Variants in RALGAPA1 observed in about 807,000 individuals in gnomAD.
The protein encoded by RALGAPA1 is ral GTPase-activating protein subunit alpha-1.
RALGAPA1 carries 52 observed loss-of-function variants against 269.6 expected under a neutral mutation model. The observed-to-expected ratio is 0.19, with a 90% confidence interval of 0.15 to 0.24. The LOEUF is 0.24. RALGAPA1 is among the 10% of genes least tolerant of loss of function. RALGAPA1 has a pLI of 1.00. For missense variants in RALGAPA1, 1,917 were observed against 3,013.9 expected (o/e 0.64, Z 8.52); for synonymous variants, 817 against 1,008.3 (o/e 0.81, Z 3.60).
chr14:35,649,381 A>T (rs942226096), intron 31 of RALGAPA1, among the ~76,000 whole-genome samples: 2 of 152,256 alleles, frequency 1.3e-5, no homozygotes, highest in African/African-American at 2.4e-5. Context: ...AAATCTGGTC[A>T]TATTTTATCC....
At chr14:35,750,066 G>C (rs1044653564) in intron 9 of RALGAPA1, among the ~76,000 whole-genome samples, 4 of 152,004 alleles carry the variant, frequency 2.6e-5, no homozygotes, top group Non-Finnish European at 2.9e-5. Context: ...TTCTAGACTT[G>C]GCGTCTTTGT....
At chr14:35,662,921 A>G (rs936160952) in intron 27 of RALGAPA1, among the ~76,000 whole-genome samples, 7 of 123,460 alleles carry the variant, frequency 5.7e-5, no homozygotes, top group African/African-American at 2.2e-4. Flanking sequence ...CTTGTTTAAC[A>G]AATGATTTCC....
At chr14:35,648,934 ATCATC>A (rs1412276383) in intron 31 of RALGAPA1, among the ~76,000 whole-genome samples, 2 of 152,122 alleles carry the variant, frequency 1.3e-5, no homozygotes, top group Non-Finnish European at 1.5e-5. Context: ...CTTTTACTGA[ATCATC>A]TTCTCTGCCT....
chr14:35,603,548 A>G (rs1353128017), intron 36 of RALGAPA1, among the ~76,000 whole-genome samples: 1 of 152,208 alleles, frequency 6.6e-6, no homozygotes, highest in Non-Finnish European at 1.5e-5. Context: ...CTGCACTGCC[A>G]TATTTATTGC....
chr14:35,691,929 C>G (rs1005504829), intron 17 of RALGAPA1, among the ~76,000 whole-genome samples: 1 of 152,116 alleles, frequency 6.6e-6, no homozygotes, highest in Non-Finnish European at 1.5e-5. Flanking sequence ...ATGCACTCCA[C>G]TGAGAAATTT....
At position 35,764,186 on chromosome 14, in the gene RALGAPA1, G is replaced by A. The variant is rs542169256; in HGVS notation, c.326-1433C>T. 5.9e-4 allele frequency among the ~76,000 whole-genome samples: 90 copies of A among 151,632 alleles called. No individual in the cohort carries two copies. The South Asian group carries it at 0.011, about 19-fold the overall frequency. On this transcript the variant is annotated intron_variant, in intron 4 of 41. Coordinates refer to ENST00000680220, the MANE Select transcript of RALGAPA1 (RefSeq NM_001346249.2). ...GATCACTGCAGCCTCAAACTCCTGGGTTCAAGTGATCCTCCCACTTCAGCC... is the reference window on the plus strand; with the variant it reads ...GATCACTGCAGCCTCAAACTCCTGGATTCAAGTGATCCTCCCACTTCAGCC...
chr14:35,746,080 C>T (rs142254917), intron 10 of RALGAPA1, among the ~76,000 whole-genome samples: 17 of 152,076 alleles, frequency 1.1e-4, no homozygotes, highest in African/African-American at 3.9e-4. Context: ...TTCAAAAAAA[C>T]AAAAAGAGGG....
chr14:35,541,618 C>G (rs1410616484), intron 41 of RALGAPA1: 1 of 403,764 alleles, frequency 2.5e-6, no homozygotes, highest in Non-Finnish European at 4.9e-6. Flanking sequence ...ATCCATGACC[C>G]CCTTTAGGGA....
chr14:35,561,349 T>C (rs1307428446), intron 39 of RALGAPA1, among the ~76,000 whole-genome samples: 3 of 151,480 alleles, frequency 2.0e-5, no homozygotes, highest in Admixed American at 1.3e-4. Context: ...AGAGTCACTG[T>C]AGAAGTGTGG....
intron 23 of RALGAPA1, 119 bp from the exon 24 acceptor site, chr14:35,674,397 T>G: frequency 3.2e-6 from 4 of 1,241,514 alleles, no homozygotes; most frequent in Non-Finnish European, 4.5e-6. Context: ...TTAAGTGACT[T>G]TGCCATGCAG....
chr14:35,629,727 T>C (rs1339247802), intron 33 of RALGAPA1, among the ~76,000 whole-genome samples: 2 of 152,136 alleles, frequency 1.3e-5, no homozygotes, highest in Admixed American at 1.3e-4. Flanking sequence ...TCTTGAACTC[T>C]TGACCTTGTG....
intron 1 of RALGAPA1, among the ~76,000 whole-genome samples, chr14:35,801,036 T>C (rs1308295004): frequency 1.0e-5 from 1 of 99,400 alleles, no homozygotes; most frequent in South Asian, 3.1e-4. Context: ...AAAAAGAAAA[T>C]AGCAAAGACC....
chr14:35,725,066 T>C lies in RALGAPA1; in HGVS notation c.1824A>G (p.Lys608=), dbSNP rs1441319132. ...SQAFLQFQGK[K]NMTLAGRLAG... Reference sequence around the variant, plus strand: ...CAAGTCGACCTGCCAAGGTCATATTTTTTTTCCCTTGGAACTGTAGAAAAG... The same window carrying C: ...CAAGTCGACCTGCCAAGGTCATATTCTTTTTCCCTTGGAACTGTAGAAAAG... The change falls in exon 14 of 42, where the codon AAA becomes AAG. Residue 608 remains lysine, a synonymous_variant. Transcript: ENST00000680220. 59 of 1,605,974 alleles carry C rather than the reference T, an allele frequency of 3.7e-5. No individual in the cohort carries two copies. Among genetic ancestry groups the C allele is most frequent in the Non-Finnish European group, 4.6e-5 (54 of 1,176,368 alleles).
intron 16 of RALGAPA1, chr14:35,715,722 A>G (rs1008223104): frequency 1.8e-5 from 18 of 985,314 alleles, no homozygotes; most frequent in Non-Finnish European, 2.0e-5. Flanking sequence ...ATTAACTTGT[A>G]TCCTTCTCAA....
intron 8 of RALGAPA1, among the ~76,000 whole-genome samples, chr14:35,751,589 G>T (rs908925548): frequency 2.0e-5 from 3 of 151,948 alleles, no homozygotes; most frequent in African/African-American, 7.3e-5. Context: ...TTCAAGACCA[G>T]CCTGGGCAAC....
chr14:35,765,920 T>C (rs1371126282), intron 4 of RALGAPA1: 9 of 1,207,972 alleles, frequency 7.5e-6, no homozygotes, highest in Admixed American at 1.9e-5. Flanking sequence ...CTATGAGATC[T>C]GGAAATGCAG....
Position 35,689,274 on chromosome 14 carries a change from G to A in RALGAPA1, c.3137C>T (p.Pro1046Leu), listed in dbSNP as rs1272734625. ...AGGGCTATCTAAACTAGGCTCTGAT[G>A]GCTGTTTATCAGTGTTTAGTTGCTT... is the stretch of plus-strand genomic sequence containing the variant. ...KSKQLNTDKQ[P>L]SEPSLDSPCD... The change falls in exon 18 of 42, where the codon CCA becomes CTA. Residue 1046 changes from proline to leucine, a missense_variant. Transcript: ENST00000680220. The A allele has an allele frequency of 3.2e-6, 4 of 1,232,050 alleles. No individual in the cohort carries two copies. Among genetic ancestry groups the A allele is most frequent in the Non-Finnish European group, 4.0e-6 (4 of 988,048 alleles). The allele number at this position is 1,232,050 out of a possible 1,614,324, so 76.3% of individuals were successfully genotyped here.
intron 1 of RALGAPA1, among the ~76,000 whole-genome samples, chr14:35,804,737 C>A (rs1198877589): frequency 6.6e-6 from 1 of 151,508 alleles, no homozygotes; most frequent in Non-Finnish European, 1.5e-5. Context: ...AGCTTGCAAC[C>A]AGCCTGGGCA....
At chr14:35,720,686 A>G (rs2069321006) in intron 16 of RALGAPA1, among the ~76,000 whole-genome samples, 1 of 152,200 alleles carries the variant, frequency 6.6e-6, no homozygotes, top group Non-Finnish European at 1.5e-5. Context: ...CAGCACTTTG[A>G]GAGGCCAAAG....
Sources: allele counts gnomAD v4.1 joint callset (sites outside exome capture counted in the v4.1 genomes callset), GRCh38; gene constraint gnomAD v4.1.1; transcripts MANE v1.5; gene names NCBI Gene and HGNC (gene_info 2026-07-23, HGNC 2026-07-21).